The following AHRR variants were observed in gnomAD, a reference collection of about 807,000 sequenced individuals.
AHRR encodes ahR repressor.
In AHRR, 28 loss-of-function variants were observed where a neutral mutation model predicts 44.0. The observed-to-expected ratio is 0.64, with a 90% CI of 0.47 to 0.87. The LOEUF (loss-of-function observed/expected upper bound fraction) is 0.87. AHRR is among the 40% of genes least tolerant of loss of function. The pLI, the probability that AHRR is intolerant of heterozygous loss-of-function variation, is 0.00. For missense variants in AHRR, 990 were observed against 953.9 expected, an observed-to-expected ratio of 1.04 and a Z score of -0.50; for synonymous variants, 434 against 407.0, an observed-to-expected ratio of 1.07 and a Z score of -0.80.
intron 8 of AHRR, among the ~76,000 whole-genome samples, chr5:430,916 T>A (rs1736692880): frequency 6.6e-6 from 1 of 152,154 alleles, no homozygotes; most frequent in Non-Finnish European, 1.5e-5. Flanking sequence ...AACATAGAAT[T>A]CTAAAGGGAA....
rs139486017 is a variant in AHRR at position 424,250 on chromosome 5, G to A, written c.708+273G>A. Among the ~76,000 whole-genome samples the A allele has an allele frequency of 3.4e-4, 50 of 148,222 alleles. 1 individual carries two copies. The East Asian group carries it at 9.0e-3, about 27-fold the overall frequency. ...ACCCATGTGTCTCTGGTGGGGGGGC[G>A]AGGGCCGGTGCTGAGCTCTGTGCAC... On this transcript the variant is annotated intron_variant, in intron 7 of 10. Transcript: ENST00000684583.
chr5:361,548 G>A (rs1401063360), intron 3 of AHRR, among the ~76,000 whole-genome samples: 2 of 152,234 alleles, frequency 1.3e-5, no homozygotes, highest in African/African-American at 4.8e-5. Context: ...CTGGATTTCG[G>A]AGAGTGGGGC....
Position 413,427 on chromosome 5 carries a change from C to T in AHRR, c.435C>T (p.Phe145=). The T allele has an allele frequency of 6.2e-7, 1 of 1,612,242 alleles. No homozygotes were observed. The highest frequency in any genetic ancestry group is 1.1e-5 in the South Asian group (1 of 90,842). Residue 145 remains phenylalanine (F), a synonymous_variant, in exon 5 of 11, where the codon TTC becomes TTT. Transcript: ENST00000684583. ...ASATIVDYLG[F]HQTDVMHQNI... Reference sequence around the variant, plus strand: ...CAACGATCGTGGACTATCTGGGCTTCCATCAGGTAAATGAAACCAGAATAG... The same window carrying T: ...CAACGATCGTGGACTATCTGGGCTTTCATCAGGTAAATGAAACCAGAATAG...
intron 8 of AHRR, among the ~76,000 whole-genome samples, chr5:429,508 C>T (rs542248897): frequency 6.6e-6 from 1 of 152,344 alleles, no homozygotes; most frequent in South Asian, 2.1e-4. Flanking sequence ...TGGCCCTCAG[C>T]CCCCGGGTCC....
rs1734243819 is a variant in AHRR at position 388,109 on chromosome 5, A to C, written c.351+11393A>C. On this transcript the variant is annotated intron_variant, in intron 4 of 10. Transcript: ENST00000684583. The surrounding 1 kb of genome is among the most constrained non-coding windows in gnomAD (Gnocchi z 5.2). The stretch of plus-strand genomic sequence containing the variant: ...GACATCCGCCACTGTCCTATGTCCC[A>C]ATACAGGAAGGTCACATTCATGGGT... Among the ~76,000 whole-genome samples, 1 of 152,180 alleles carries C rather than the reference A, an allele frequency of 6.6e-6. No homozygotes were observed.
chr5:377,119 G>A (rs116044686), intron 4 of AHRR, among the ~76,000 whole-genome samples: 217 of 152,286 alleles, frequency 1.4e-3, no homozygotes, highest in African/African-American at 5.1e-3. Context: ...TTTCAATCTT[G>A]GGGTGGCCTG....
rs144341707 is a variant in AHRR, at chr5:383,760, T to C, written c.351+7044T>C. On this transcript the variant is annotated intron_variant, in intron 4 of 10. Coordinates refer to ENST00000684583, the MANE Select transcript of AHRR (RefSeq NM_001377236.1). This position sits in a 1 kb window ranked among gnomAD's most constrained non-coding sequence, Gnocchi z 4.0. Reference sequence around the variant, plus strand: ...ATTCTTTTTTATAGAGATGGGGATGTCCCTCGTTGCTCAGGATAGTCTAGA... The same window carrying C: ...ATTCTTTTTTATAGAGATGGGGATGCCCCTCGTTGCTCAGGATAGTCTAGA... Among the ~76,000 whole-genome samples the C allele has an allele frequency of 6.6e-6, 1 of 152,188 alleles. No homozygotes were observed. The highest frequency in any genetic ancestry group is 2.4e-5 in the African/African-American group (1 of 41,530).
intron 5 of AHRR, chr5:421,122 T>C: frequency 1.8e-6 from 1 of 555,610 alleles, no homozygotes; most frequent in Non-Finnish European, 3.2e-6. Context: ...GCTGGAGCGT[T>C]CGCGCCTTAA....
rs796780061 is a variant in AHRR, at chr5:424,167, G to A, written c.708+190G>A. Reference sequence around the variant, plus strand: ...GGGTGTTAACCCATGTGTCTCTGGTGGGTGGGAGAGGGCTGGGCACTGAGC... The same window carrying A: ...GGGTGTTAACCCATGTGTCTCTGGTAGGTGGGAGAGGGCTGGGCACTGAGC... On this transcript the variant is annotated intron_variant, in intron 7 of 10. Coordinates refer to ENST00000684583, the MANE Select transcript of AHRR (RefSeq NM_001377236.1). Among the ~76,000 whole-genome samples, 386 of 79,592 alleles carry A rather than the reference G, an allele frequency of 4.8e-3. No homozygotes were observed. The highest frequency in any genetic ancestry group is 9.6e-3 in the Middle Eastern group (2 of 208). The allele number at this position is 79,592 out of a possible 152,430, so 52.2% of individuals were successfully genotyped here. A position where few individuals can be genotyped will look rare whatever the true frequency, so the allele number is the denominator to read the frequency against.
intron 2 of AHRR, among the ~76,000 whole-genome samples, chr5:347,706 C>T (rs1579608640): frequency 6.6e-6 from 1 of 152,298 alleles, no homozygotes; most frequent in African/African-American, 2.4e-5. Context: ...GTGAAGGCTG[C>T]CGTGTCTTTC....
chr5:363,685 GC>G (rs1191452424), intron 3 of AHRR, among the ~76,000 whole-genome samples: 1 of 152,190 alleles, frequency 6.6e-6, no homozygotes, highest in Non-Finnish European at 1.5e-5. Context: ...CCCACCACCA[GC>G]CTCAGAAGGC....
intron 1 of AHRR, chr5:343,659 C>T (rs1742446915): frequency 4.0e-6 from 2 of 502,580 alleles, no homozygotes. Context: ...CCGGGACCCG[C>T]CTGACACCGA....
At chr5:377,322 C>T (rs533652264) in intron 4 of AHRR, among the ~76,000 whole-genome samples, 18 of 152,276 alleles carry the variant, frequency 1.2e-4, no homozygotes, top group African/African-American at 3.8e-4. Context: ...ATGGAGCCTC[C>T]GGGGTGAATC....
chr5:401,387 G>T (rs1297324704), intron 4 of AHRR, among the ~76,000 whole-genome samples: 2 of 152,216 alleles, frequency 1.3e-5, no homozygotes, highest in African/African-American at 4.8e-5. Context: ...GGCTTTCTGG[G>T]TTGCTCCCTG....
intron 3 of AHRR, among the ~76,000 whole-genome samples, chr5:366,671 C>G (rs540075066): frequency 2.9e-4 from 44 of 152,296 alleles, no homozygotes; most frequent in African/African-American, 1.0e-3. Flanking sequence ...GCCCAGCATT[C>G]ACTGTCCTAA....
At chr5:375,499 G>T (rs1009328062) in intron 3 of AHRR, among the ~76,000 whole-genome samples, 2 of 152,212 alleles carry the variant, frequency 1.3e-5, no homozygotes, top group Non-Finnish European at 2.9e-5. Flanking sequence ...GTGCCACGCC[G>T]GGACCCCGGC....
rs764646609 is a variant in AHRR, at chr5:434,296, C to T, written c.1556C>T (p.Pro519Leu). 21 of 1,608,934 alleles carry T rather than the reference C, an allele frequency of 1.3e-5. No individual in the cohort carries two copies. Among genetic ancestry groups the T allele is most frequent in the African/African-American group, 5.3e-5 (4 of 74,832 alleles). Residue 519 changes from proline (P) to leucine (L), a missense_variant, in exon 11 of 11, where the codon CCG (proline) becomes CTG (leucine). Physicochemically the swap from Pro to Leu is moderately conservative, Grantham distance 98. Transcript: ENST00000684583. ...AAGCTGCAAGGTGTACCGATGCCTC[C>T]GGGGGACCTGTGTGGTCCGACGCTG... ...DMKLQGVPMPPGDLCGPTLLL... is the reference protein window; with the variant it reads ...DMKLQGVPMPLGDLCGPTLLL...
At chr5:340,036 C>T (rs1478969008) in intron 1 of AHRR, among the ~76,000 whole-genome samples, 1 of 152,210 alleles carries the variant, frequency 6.6e-6, no homozygotes, top group Non-Finnish European at 1.5e-5. Context: ...TTTGGTGTGG[C>T]ATCAGAGTAA....
At chr5:328,377 C>G (rs139469722) in intron 1 of AHRR, among the ~76,000 whole-genome samples, 4 of 146,514 alleles carry the variant, frequency 2.7e-5, no homozygotes, top group African/African-American at 1.0e-4. Flanking sequence ...AAGCAATTCT[C>G]CTGCCTCAGC....
Sources: allele counts gnomAD v4.1 joint callset (sites outside exome capture counted in the v4.1 genomes callset), GRCh38; gene constraint gnomAD v4.1.1; non-coding constraint Gnocchi (gnomAD v3.1); transcripts MANE v1.5; gene names NCBI Gene and HGNC (gene_info 2026-07-23, HGNC 2026-07-21).